Variants in TNR observed in about 807,000 individuals in gnomAD.
The protein encoded by TNR is tenascin R.
In TNR, 45 loss-of-function variants were observed where a neutral mutation model predicts 150.4. That is an observed-to-expected ratio of 0.30 (90% CI 0.24 to 0.38). The LOEUF (loss-of-function observed/expected upper bound fraction) is 0.38, where lower values mean the gene tolerates loss of function less well. Among genes scored for constraint, TNR ranks in the 10% least tolerant of loss-of-function variants. TNR has a pLI of 1.00. For missense variants in TNR, 1,544 were observed against 1,759.1 expected, an observed-to-expected ratio of 0.88 and a Z score of 2.19; for synonymous variants, 687 against 678.4, an observed-to-expected ratio of 1.01 and a Z score of -0.20.
intron 2 of TNR, among the ~76,000 whole-genome samples, chr1:175,451,708 G>A (rs572175422): frequency 2.4e-4 from 37 of 152,336 alleles, no homozygotes; most frequent in South Asian, 4.1e-4. Context: ...TCAGCAGCAG[G>A]TAGAGCTATC....
intron 9 of TNR, among the ~76,000 whole-genome samples, chr1:175,373,738 C>T (rs1432047246): frequency 1.6e-5 from 2 of 124,564 alleles, no homozygotes; most frequent in African/African-American, 6.2e-5. Flanking sequence ...AACAAGTACT[C>T]CCTGCTGAGG....
At chr1:175,568,885 C>A (rs1293626024) in intron 1 of TNR, among the ~76,000 whole-genome samples, 1 of 152,150 alleles carries the variant, frequency 6.6e-6, no homozygotes, top group Admixed American at 6.5e-5. Context: ...GAAGAGCTTG[C>A]CTTCATTTTG....
rs556984302 is a variant in TNR, at chr1:175,540,377, C to T, written c.-164-12008G>A. 2.0e-5 allele frequency among the ~76,000 whole-genome samples: 3 copies of T among 152,242 alleles called. No individual in the cohort carries two copies. In the South Asian group the frequency reaches 6.2e-4, roughly 32 times the overall value. On this transcript the variant is annotated intron_variant, in intron 1 of 22. Transcript: ENST00000367674. ...TGGTGATGCCAGACTCCCAGGAGGG[C>T]CAGATTTATCAGAACTTGGGGATGG...
intron 1 of TNR, among the ~76,000 whole-genome samples, chr1:175,530,518 C>A (rs1202495213): frequency 1.3e-5 from 2 of 152,124 alleles, no homozygotes; most frequent in Admixed American, 6.5e-5. Context: ...CAAATATACA[C>A]CCTCCCTTTT....
chr1:175,631,217 G>A (rs999197911), intron 1 of TNR, among the ~76,000 whole-genome samples: 1 of 152,114 alleles, frequency 6.6e-6, no homozygotes, highest in African/African-American at 2.4e-5. Context: ...TACATGAAAT[G>A]CATATATAGG....
chr1:175,590,066 T>C (rs748794403), intron 1 of TNR, among the ~76,000 whole-genome samples: 33 of 152,200 alleles, frequency 2.2e-4, no homozygotes, highest in Non-Finnish European at 3.5e-4. Flanking sequence ...TATGATTTGA[T>C]ATGGTACTGC....
At chr1:175,444,559 C>A (rs576496842) in intron 2 of TNR, among the ~76,000 whole-genome samples, 1 of 152,172 alleles carries the variant, frequency 6.6e-6, no homozygotes, top group African/African-American at 2.4e-5. Context: ...CACCACATCC[C>A]AGAATTAACA....
chr1:175,345,994 A>T (rs544947525), intron 18 of TNR, among the ~76,000 whole-genome samples: 1 of 152,354 alleles, frequency 6.6e-6, no homozygotes, highest in South Asian at 2.1e-4. Flanking sequence ...TCTCAATGGC[A>T]ACACTGCATT....
chr1:175,642,395 G>A (rs1320967455), intron 1 of TNR, among the ~76,000 whole-genome samples: 3 of 152,202 alleles, frequency 2.0e-5, no homozygotes, highest in Non-Finnish European at 2.9e-5. Flanking sequence ...GGGAGTCACA[G>A]GAGATTCTTC....
chr1:175,353,858 T>A (rs986322053), intron 18 of TNR, among the ~76,000 whole-genome samples: 1 of 151,632 alleles, frequency 6.6e-6, no homozygotes, highest in Admixed American at 6.6e-5. Context: ...TTTATTTTTT[T>A]TTTTTGAGAC....
intron 1 of TNR, among the ~76,000 whole-genome samples, chr1:175,533,162 C>T (rs1057506763): frequency 4.6e-5 from 7 of 152,138 alleles, no homozygotes; most frequent in African/African-American, 1.7e-4. Flanking sequence ...TAACATTTGG[C>T]TCAAATCCTA....
intron 1 of TNR, among the ~76,000 whole-genome samples, chr1:175,715,566 T>C (rs538666256): frequency 9.2e-5 from 14 of 152,152 alleles, no homozygotes; most frequent in Non-Finnish European, 1.8e-4. Context: ...CCTCAGCTCT[T>C]GGGACTCTTG....
At chr1:175,610,407 A>T (rs1383617391) in intron 1 of TNR, among the ~76,000 whole-genome samples, 2 of 152,270 alleles carry the variant, frequency 1.3e-5, no homozygotes, top group African/African-American at 2.4e-5. Flanking sequence ...AGGATTAGCT[A>T]AACAGCTCTT....
intron 2 of TNR, among the ~76,000 whole-genome samples, chr1:175,414,895 T>C (rs537366758): frequency 6.7e-6 from 1 of 149,916 alleles, no homozygotes; most frequent in South Asian, 2.1e-4. Context: ...TTTCCCAGAG[T>C]CAAAATGGGG....
intron 1 of TNR, among the ~76,000 whole-genome samples, chr1:175,737,236 C>A (rs1369616416): frequency 1.3e-5 from 2 of 152,164 alleles, no homozygotes; most frequent in Non-Finnish European, 2.9e-5. Flanking sequence ...TGGTTCTGTT[C>A]AACCCAGAAG....
chr1:175,572,992 T>C (rs1017907012), intron 1 of TNR, among the ~76,000 whole-genome samples: 1 of 152,136 alleles, frequency 6.6e-6, no homozygotes, highest in African/African-American at 2.4e-5. Flanking sequence ...ATAGCTTAAG[T>C]TGAGAAGATT....
chr1:175,514,632 GA>G (rs1277192979), intron 2 of TNR, among the ~76,000 whole-genome samples: 2 of 152,186 alleles, frequency 1.3e-5, no homozygotes, highest in Admixed American at 1.3e-4. Flanking sequence ...GTACCTTGAT[GA>G]AAAAGTCTAC....
chr1:175,686,961 G>T (rs1235547341), intron 1 of TNR, among the ~76,000 whole-genome samples: 1 of 152,168 alleles, frequency 6.6e-6, no homozygotes, highest in African/African-American at 2.4e-5. Context: ...GTGAGTGCAG[G>T]TGTATTTTTG....
At chr1:175,724,593 A>T (rs1350322692) in intron 1 of TNR, among the ~76,000 whole-genome samples, 1 of 152,192 alleles carries the variant, frequency 6.6e-6, no homozygotes, top group Non-Finnish European at 1.5e-5. Context: ...GTAATGATCT[A>T]TTCCTTGACC....
Sources: gnomAD v4.1 joint callset for allele counts (sites outside exome capture counted in the v4.1 genomes callset) on GRCh38, gnomAD v4.1.1 for gene constraint, MANE v1.5 for transcripts, NCBI Gene and HGNC (gene_info 2026-07-23, HGNC 2026-07-21) for gene names.